MAP7: variants seen among roughly 807,000 people sequenced by gnomAD.
The protein encoded by MAP7 is ensconsin.
Under a neutral mutation model 94.8 loss-of-function variants are expected in MAP7, and 52 were observed. The ratio of observed to expected loss-of-function variants is 0.55; its 90% CI spans 0.44 to 0.69. The LOEUF (loss-of-function observed/expected upper bound fraction) is 0.69, where lower values mean the gene tolerates loss of function less well. Among genes scored for constraint, MAP7 ranks in the 30% least tolerant of loss-of-function variants. MAP7 has a pLI of 0.00. For synonymous variants in MAP7, 350 were observed against 357.0 expected (o/e 0.98, Z 0.22); for missense variants, 940 against 964.6 (o/e 0.97, Z 0.34).
intron 1 of MAP7, among the ~76,000 whole-genome samples, chr6:136,462,701 C>T (rs1382098013): frequency 6.6e-6 from 1 of 152,072 alleles, no homozygotes; most frequent in Non-Finnish European, 1.5e-5. Flanking sequence ...GTGGCTCACA[C>T]CTGTAATTCC....
At chr6:136,450,057 T>A (rs1028438457) in intron 1 of MAP7, among the ~76,000 whole-genome samples, 1 of 151,888 alleles carries the variant, frequency 6.6e-6, no homozygotes. Context: ...AGCATGGAGG[T>A]GCATGCCTGT....
chr6:136,452,578 A>G (rs1801497248), intron 1 of MAP7, among the ~76,000 whole-genome samples: 1 of 151,734 alleles, frequency 6.6e-6, no homozygotes, highest in South Asian at 2.1e-4. Context: ...TTTGAGACAG[A>G]GTCTTGCTCT....
chr6:136,362,362 G>A, intron 11 of MAP7, 88 bp downstream of exon 11: 1 of 1,504,028 alleles, frequency 6.6e-7, no homozygotes, highest in Non-Finnish European at 9.1e-7. Flanking sequence ...ACTTTCATCA[G>A]TATTATCACC....
intron 8 of MAP7, among the ~76,000 whole-genome samples, chr6:136,370,501 C>A (rs1443474005): frequency 6.6e-6 from 1 of 152,132 alleles, no homozygotes. Flanking sequence ...GAGGTGAAAG[C>A]AACCCAAATG....
intron 1 of MAP7, among the ~76,000 whole-genome samples, chr6:136,549,773 T>C (rs1315466787): frequency 6.6e-6 from 1 of 152,138 alleles, no homozygotes; most frequent in African/African-American, 2.4e-5. Context: ...CCTCCCGAGC[T>C]CGGTCCCCTC....
At chr6:136,349,213 C>T (rs950451367) in intron 16 of MAP7, among the ~76,000 whole-genome samples, 2 of 152,108 alleles carry the variant, frequency 1.3e-5, no homozygotes, top group Non-Finnish European at 2.9e-5. Flanking sequence ...AAGAACCAAA[C>T]ATGGCTTTTG....
intron 1 of MAP7, among the ~76,000 whole-genome samples, chr6:136,434,308 A>C (rs1795781194): frequency 1.6e-5 from 2 of 127,648 alleles, no homozygotes; most frequent in Non-Finnish European, 3.1e-5. Context: ...CTCCGTCTCA[A>C]AAAAAAAAAA....
intron 1 of MAP7, among the ~76,000 whole-genome samples, chr6:136,463,400 T>C (rs951682780): frequency 2.6e-5 from 4 of 152,200 alleles, no homozygotes; most frequent in Admixed American, 2.6e-4. Flanking sequence ...TCAACATAAA[T>C]GGCTAAATTG....
chr6:136,503,298 A>G (rs1820347047), intron 1 of MAP7, among the ~76,000 whole-genome samples: 1 of 152,078 alleles, frequency 6.6e-6, no homozygotes, highest in African/African-American at 2.4e-5. Context: ...CTGAATGACC[A>G]AAAGGAAGTG....
At chr6:136,484,520 A>C (rs1467878391) in intron 1 of MAP7, among the ~76,000 whole-genome samples, 1 of 152,182 alleles carries the variant, frequency 6.6e-6, no homozygotes, top group Non-Finnish European at 1.5e-5. Flanking sequence ...AATAAGTAGA[A>C]TTCCTCGGCT....
At chr6:136,483,934 G>A (rs1229734483) in intron 1 of MAP7, among the ~76,000 whole-genome samples, 1 of 152,126 alleles carries the variant, frequency 6.6e-6, no homozygotes, top group Non-Finnish European at 1.5e-5. Context: ...TTTAAAACTG[G>A]CCAGAAATAA....
chr6:136,468,846 T>C (rs1053558015), intron 1 of MAP7, among the ~76,000 whole-genome samples: 2 of 152,120 alleles, frequency 1.3e-5, no homozygotes, highest in African/African-American at 4.8e-5. Flanking sequence ...ACTTCTCACT[T>C]CCGAGCAACA....
chr6:136,396,888 A>G (rs1782640081), intron 3 of MAP7, among the ~76,000 whole-genome samples: 1 of 152,224 alleles, frequency 6.6e-6, no homozygotes, highest in Non-Finnish European at 1.5e-5. Context: ...CGTCATAATC[A>G]TTATAATTTC....
At chr6:136,506,065 CTG>C (rs1454223545) in intron 1 of MAP7, among the ~76,000 whole-genome samples, 2 of 152,130 alleles carry the variant, frequency 1.3e-5, no homozygotes, top group Admixed American at 6.5e-5. Context: ...ACAAAAAAAT[CTG>C]TGTTTTTAAT....
intron 3 of MAP7, among the ~76,000 whole-genome samples, chr6:136,397,633 A>G (rs1169424683): frequency 3.3e-5 from 5 of 152,252 alleles, no homozygotes; most frequent in Non-Finnish European, 5.9e-5. Flanking sequence ...TAACAGATTC[A>G]GAGGAAATAC....
intron 1 of MAP7, among the ~76,000 whole-genome samples, chr6:136,458,106 T>C (rs1292251163): frequency 6.6e-6 from 1 of 152,110 alleles, no homozygotes; most frequent in African/African-American, 2.4e-5. Context: ...CAAATCAACA[T>C]ACAAAAACCA....
intron 13 of MAP7, 91 bp downstream of exon 13, chr6:136,360,606 T>C (rs1792326056): frequency 9.5e-6 from 10 of 1,052,002 alleles, no homozygotes; most frequent in Non-Finnish European, 1.3e-5. Context: ...GTGGCAAGGG[T>C]AGAACACGCG....
intron 1 of MAP7, among the ~76,000 whole-genome samples, chr6:136,499,766 AG>A (rs1562465629): frequency 1.3e-5 from 2 of 152,246 alleles, no homozygotes; most frequent in South Asian, 4.1e-4. Context: ...TGGGAGGCCT[AG>A]GCAGGAGGAT....
chr6:136,425,893 C>T (rs184085262), intron 1 of MAP7, among the ~76,000 whole-genome samples: 8 of 152,268 alleles, frequency 5.3e-5, no homozygotes, highest in Admixed American at 2.0e-4. Context: ...TGCATTTATT[C>T]GAACAGTACA....
Sources: gnomAD v4.1 joint callset for allele counts (sites outside exome capture counted in the v4.1 genomes callset) on GRCh38, gnomAD v4.1.1 for gene constraint, MANE v1.5 for transcripts, NCBI Gene and HGNC (gene_info 2026-07-23, HGNC 2026-07-21) for gene names.